Variants in CALCR observed in about 807,000 individuals in gnomAD.
The protein encoded by CALCR is calcitonin receptor.
Under a neutral mutation model 59.5 loss-of-function variants are expected in CALCR, and 47 were observed. The ratio of observed to expected loss-of-function variants is 0.79; its 90% CI spans 0.63 to 1.01. The LOEUF is 1.01. Among genes scored for constraint, CALCR ranks in the 50% least tolerant of loss-of-function variants. The pLI is 0.00. For synonymous variants in CALCR, 213 were observed against 211.3 expected, an observed-to-expected ratio of 1.01 and a Z score of -0.07; for missense variants, 566 against 597.1, an observed-to-expected ratio of 0.95 and a Z score of 0.54.
chr7:93,472,981 T>C (rs540400158), intron 5 of CALCR, among the ~76,000 whole-genome samples: 40 of 151,884 alleles, frequency 2.6e-4, no homozygotes, highest in Admixed American at 4.6e-4. Flanking sequence ...GTTCAAATCT[T>C]CCCAATCCCA....
intron 2 of CALCR, among the ~76,000 whole-genome samples, chr7:93,563,500 T>A (rs1256676672): frequency 6.6e-6 from 1 of 152,210 alleles, no homozygotes; most frequent in Non-Finnish European, 1.5e-5. Context: ...CATTTGACTC[T>A]AATTTTTATG....
intron 8 of CALCR, among the ~76,000 whole-genome samples, chr7:93,457,520 A>G (rs1800232401): frequency 6.6e-6 from 1 of 152,120 alleles, no homozygotes; most frequent in South Asian, 2.1e-4. Flanking sequence ...AAAGAAGAGA[A>G]AGAGTCTATT....
intron 2 of CALCR, among the ~76,000 whole-genome samples, chr7:93,539,193 A>T (rs191793495): frequency 6.6e-6 from 1 of 152,280 alleles, no homozygotes; most frequent in East Asian, 1.9e-4. Context: ...TGAAATCCCA[A>T]TCACTTAAAT....
chr7:93,572,546 C>T (rs1039996380), intron 2 of CALCR, among the ~76,000 whole-genome samples: 4 of 152,228 alleles, frequency 2.6e-5, no homozygotes, highest in African/African-American at 9.6e-5. Context: ...CTCCTATTTC[C>T]ATTTCACTAG....
chr7:93,560,051 A>G (rs1391433269), intron 2 of CALCR, among the ~76,000 whole-genome samples: 1 of 152,134 alleles, frequency 6.6e-6, no homozygotes, highest in South Asian at 2.1e-4. Flanking sequence ...ATGAGCTCAA[A>G]ACAAGAGATG....
chr7:93,457,210 G>A (rs960954949), intron 8 of CALCR, among the ~76,000 whole-genome samples: 1 of 152,200 alleles, frequency 6.6e-6, no homozygotes. Context: ...GTCATAAGGT[G>A]AGAGTTGACA....
intron 7 of CALCR, 144 bp from the exon 8 acceptor site, chr7:93,461,091 T>C (rs534692540): frequency 1.1e-3 from 673 of 635,012 alleles, no homozygotes; most frequent in Non-Finnish European, 1.4e-3. Context: ...GTCTCCTCTT[T>C]CAGATTTATT....
chr7:93,555,313 AAC>A (rs559652958), intron 2 of CALCR, among the ~76,000 whole-genome samples: 164 of 152,220 alleles, frequency 1.1e-3, no homozygotes, highest in African/African-American at 3.7e-3. Flanking sequence ...TGTGCTTGAA[AAC>A]AGTGTGGATA....
chr7:93,429,744 T>G (rs1799607247), intron 13 of CALCR, among the ~76,000 whole-genome samples: 4 of 152,134 alleles, frequency 2.6e-5, no homozygotes. Context: ...GGTTTACCTC[T>G]GCAGTTTTGA....
At chr7:93,457,776 G>A (rs1319471036) in intron 8 of CALCR, among the ~76,000 whole-genome samples, 1 of 152,124 alleles carries the variant, frequency 6.6e-6, no homozygotes, top group African/African-American at 2.4e-5. Context: ...ACTGTAGTGG[G>A]CATGTCTGGT....
chr7:93,506,242 A>C (rs1330842611), intron 2 of CALCR, among the ~76,000 whole-genome samples: 2 of 152,174 alleles, frequency 1.3e-5, no homozygotes, highest in Non-Finnish European at 2.9e-5. Flanking sequence ...GGCTTTTACA[A>C]TATGTCTGAT....
intron 2 of CALCR, among the ~76,000 whole-genome samples, chr7:93,505,985 G>A (rs1216560373): frequency 6.6e-6 from 1 of 152,162 alleles, no homozygotes; most frequent in Non-Finnish European, 1.5e-5. Flanking sequence ...TGGGCCCTAT[G>A]TAAATCAGAT....
intron 2 of CALCR, among the ~76,000 whole-genome samples, chr7:93,524,293 C>T (rs1801829388): frequency 1.3e-5 from 2 of 151,722 alleles, no homozygotes; most frequent in Admixed American, 6.6e-5. Flanking sequence ...CCTCAGCCTC[C>T]CGAGTAGCTG....
Position 93,555,401 on chromosome 7 carries a change from G to A in CALCR, c.-27+18888C>T, listed in dbSNP as rs1789573750. ...CTCATTACTCTCAAACTAGCTATGG[G>A]GAAGAAATAACAAGCCTGCATACTC... On this transcript the variant is annotated intron_variant, in intron 2 of 13. Transcript: ENST00000426151. Among the ~76,000 whole-genome samples, 3 of 152,118 alleles carry A rather than the reference G, an allele frequency of 2.0e-5. No homozygotes were observed. The South Asian group carries it at 6.2e-4, about 32-fold the overall frequency.
chr7:93,564,495 C>T (rs1292387274), intron 2 of CALCR, among the ~76,000 whole-genome samples: 1 of 152,110 alleles, frequency 6.6e-6, no homozygotes, highest in Non-Finnish European at 1.5e-5. Context: ...TCTTGTTGCC[C>T]AGGATGGAGT....
chr7:93,466,445 C>T (rs1444559120), intron 7 of CALCR, among the ~76,000 whole-genome samples: 1 of 151,498 alleles, frequency 6.6e-6, no homozygotes, highest in Non-Finnish European at 1.5e-5. Context: ...AGACAGATGC[C>T]CTTTATATTT....
Position 93,544,943 on chromosome 7 carries a change from C to G in CALCR, c.-27+29346G>C, listed in dbSNP as rs1458081889. ...AGGAAAGGCCACTGTGCAGCTTTCC[C>G]AGGCTGAATATGAACTCATCTTTTC... On this transcript the variant is annotated intron_variant, in intron 2 of 13. Coordinates refer to ENST00000426151, the MANE Select transcript of CALCR (RefSeq NM_001742.4). Among the ~76,000 whole-genome samples, 3 of 152,262 alleles carry G rather than the reference C, an allele frequency of 2.0e-5. No individual in the cohort carries two copies. In the East Asian group the frequency reaches 5.8e-4, roughly 29 times the overall value.
chr7:93,523,453 G>A (rs1801807026), intron 2 of CALCR, among the ~76,000 whole-genome samples: 1 of 152,050 alleles, frequency 6.6e-6, no homozygotes, highest in Non-Finnish European at 1.5e-5. Context: ...GTTATCGAGG[G>A]CAGAGACTGT....
In CALCR at chr7:93,426,317, T is replaced by C. The variant is rs1433016595; in HGVS notation, c.*39A>G. 2 of 1,133,730 alleles carry C rather than the reference T, an allele frequency of 1.8e-6. No homozygotes were observed. The highest frequency in any genetic ancestry group is 2.7e-6 in the Non-Finnish European group (2 of 743,940). The allele number at this position is 1,133,730 out of a possible 1,614,324, so 70.2% of individuals were successfully genotyped here. On this transcript the variant is annotated 3_prime_UTR_variant, in exon 14 of 14. Coordinates refer to ENST00000426151, the MANE Select transcript of CALCR (RefSeq NM_001742.4). The stretch of plus-strand genomic sequence containing the variant: ...AATGCATGGTCTTTCTCCCAGGAAA[T>C]GATGGCTCAGTGATCACGATGCTGT...
Sources: allele counts gnomAD v4.1 joint callset (sites outside exome capture counted in the v4.1 genomes callset), GRCh38; gene constraint gnomAD v4.1.1; transcripts MANE v1.5; gene names NCBI Gene and HGNC (gene_info 2026-07-23, HGNC 2026-07-21).